Variants in PDZRN4 observed in about 807,000 individuals in gnomAD.
PDZRN4 encodes PDZ domain-containing RING finger protein 4.
A neutral mutation model predicts 99.0 loss-of-function variants in PDZRN4; 70 were observed. The observed-to-expected ratio is 0.71, with a 90% CI of 0.58 to 0.86. The LOEUF is 0.86. Ranked by LOEUF, PDZRN4 falls within the 40% of genes least tolerant of loss-of-function variation. The pLI, the probability that PDZRN4 is intolerant of heterozygous loss-of-function variation, is 0.00. For synonymous variants in PDZRN4, 551 were observed against 501.6 expected, an observed-to-expected ratio of 1.10 and a Z score of -1.32; for missense variants, 1,474 against 1,331.2, an observed-to-expected ratio of 1.11 and a Z score of -1.67.
chr12:41,270,055 TTAG>T (rs1951303698), intron 3 of PDZRN4, among the ~76,000 whole-genome samples: 1 of 152,152 alleles, frequency 6.6e-6, no homozygotes. Context: ...GTGGACTGAG[TTAG>T]TAGTCATATA....
chr12:41,548,948 C>T (rs1939007015), intron 5 of PDZRN4, among the ~76,000 whole-genome samples: 2 of 152,186 alleles, frequency 1.3e-5, no homozygotes, highest in South Asian at 2.1e-4. Context: ...CAATTTCTCA[C>T]AATATTAGAT....
At chr12:41,266,967 G>A (rs1000761477) in intron 3 of PDZRN4, among the ~76,000 whole-genome samples, 1 of 152,024 alleles carries the variant, frequency 6.6e-6, no homozygotes, top group East Asian at 1.9e-4. Flanking sequence ...TTGTCCATCC[G>A]TCTGTCCATC....
At chr12:41,315,744 G>T (rs1227838881) in intron 3 of PDZRN4, among the ~76,000 whole-genome samples, 3 of 152,100 alleles carry the variant, frequency 2.0e-5, no homozygotes, top group African/African-American at 7.2e-5. Context: ...TAGGTAAATT[G>T]CCCTGCCCTT....
chr12:41,291,163 A>G (rs113716727), intron 3 of PDZRN4, among the ~76,000 whole-genome samples: 2,259 of 152,268 alleles, frequency 0.015, 58 homozygotes, highest in African/African-American at 0.052. Flanking sequence ...ATAAAAAGAT[A>G]TAAAAATTTT....
At chr12:41,312,277 A>C (rs1004307382) in intron 3 of PDZRN4, among the ~76,000 whole-genome samples, 14 of 151,566 alleles carry the variant, frequency 9.2e-5, no homozygotes, top group African/African-American at 1.9e-4. Flanking sequence ...AAAAAAAAAA[A>C]CACACATACA....
intron 3 of PDZRN4, among the ~76,000 whole-genome samples, chr12:41,500,623 C>T (rs1437869980): frequency 6.6e-6 from 1 of 151,886 alleles, no homozygotes; most frequent in Non-Finnish European, 1.5e-5. Context: ...AGGTTTCCTT[C>T]ATACAATTTT....
At chr12:41,520,653 C>T (rs1938479271) in intron 5 of PDZRN4, among the ~76,000 whole-genome samples, 1 of 150,156 alleles carries the variant, frequency 6.7e-6, no homozygotes, top group Non-Finnish European at 1.5e-5. Context: ...CACACACACA[C>T]ACACACACAC....
At chr12:41,465,630 T>C (rs1952917289) in intron 3 of PDZRN4, among the ~76,000 whole-genome samples, 1 of 152,220 alleles carries the variant, frequency 6.6e-6, no homozygotes, top group African/African-American at 2.4e-5. Flanking sequence ...TAACATAGCT[T>C]TTGTTCTTCC....
chr12:41,275,506 GA>G (rs1326639953), intron 3 of PDZRN4, among the ~76,000 whole-genome samples: 2 of 152,104 alleles, frequency 1.3e-5, no homozygotes, highest in African/African-American at 2.4e-5. Context: ...AAACTTAGAA[GA>G]AGTGAGCTCA....
chr12:41,265,381 A>G (rs758398966), intron 3 of PDZRN4, among the ~76,000 whole-genome samples: 2 of 152,212 alleles, frequency 1.3e-5, no homozygotes, highest in Non-Finnish European at 2.9e-5. Flanking sequence ...ATAGATTTAA[A>G]GTTTTATTTA....
chr12:41,561,946 A>G (rs979874472), intron 7 of PDZRN4, among the ~76,000 whole-genome samples: 3 of 152,084 alleles, frequency 2.0e-5, no homozygotes, highest in Non-Finnish European at 2.9e-5. Context: ...ATTTATCTTT[A>G]TTTGAGAAAA....
At chr12:41,238,802 T>TA (rs1319766622) in intron 3 of PDZRN4, among the ~76,000 whole-genome samples, 6 of 151,640 alleles carry the variant, frequency 4.0e-5, no homozygotes, top group Non-Finnish European at 4.4e-5. Context: ...AAAAATAAAA[T>TA]AAAAAAACAA....
At chr12:41,316,456 ATGTGTGTGTGTGTG>A (rs71081722) in intron 3 of PDZRN4, among the ~76,000 whole-genome samples, 4 of 144,428 alleles carry the variant, frequency 2.8e-5, no homozygotes, top group Non-Finnish European at 6.1e-5. Flanking sequence ...AAAAAGGCAA[ATGTGTGTGTGTGTG>A]TGTGTGTGTG....
intron 3 of PDZRN4, among the ~76,000 whole-genome samples, chr12:41,365,508 T>C (rs1273364082): frequency 6.6e-6 from 1 of 152,132 alleles, no homozygotes; most frequent in Non-Finnish European, 1.5e-5. Flanking sequence ...CCCTCTCTTG[T>C]ATAATTAATC....
intron 3 of PDZRN4, among the ~76,000 whole-genome samples, chr12:41,446,291 T>G (rs1952727943): frequency 7.8e-6 from 1 of 128,286 alleles, no homozygotes; most frequent in Non-Finnish European, 1.7e-5. Flanking sequence ...CTCATCTCAG[T>G]GGAAATTAGA....
At chr12:41,202,061 G>T (rs1351678392) in intron 3 of PDZRN4, among the ~76,000 whole-genome samples, 1 of 152,116 alleles carries the variant, frequency 6.6e-6, no homozygotes, top group African/African-American at 2.4e-5. Context: ...TTATGAAATT[G>T]AACAAAAACA....
intron 3 of PDZRN4, among the ~76,000 whole-genome samples, chr12:41,241,195 A>G (rs897070116): frequency 1.3e-5 from 2 of 152,204 alleles, no homozygotes; most frequent in African/African-American, 4.8e-5. Flanking sequence ...TGAAAATTGC[A>G]GATTCTCCAG....
At chr12:41,521,625 G>A (rs1037320761) in intron 5 of PDZRN4, among the ~76,000 whole-genome samples, 3 of 152,042 alleles carry the variant, frequency 2.0e-5, no homozygotes, top group Non-Finnish European at 2.9e-5. Context: ...ACTTGACAGA[G>A]GAAACTGAAG....
At chr12:41,238,946 G>C (rs1951086552) in intron 3 of PDZRN4, among the ~76,000 whole-genome samples, 1 of 152,092 alleles carries the variant, frequency 6.6e-6, no homozygotes, top group Non-Finnish European at 1.5e-5. Flanking sequence ...ATTTGACCCA[G>C]CAATCCTATT....
Sources: gnomAD v4.1 joint callset for allele counts (sites outside exome capture counted in the v4.1 genomes callset) on GRCh38, gnomAD v4.1.1 for gene constraint, MANE v1.5 for transcripts, NCBI Gene and HGNC (gene_info 2026-07-23, HGNC 2026-07-21) for gene names.